Variants in DENND6A observed in about 807,000 individuals in gnomAD.
DENND6A encodes the protein DENN domain containing 6A, also known as protein DENND6A.
Under a neutral mutation model 95.5 loss-of-function variants are expected in DENND6A, and 43 were observed. The observed-to-expected ratio is 0.45, with a 90% CI of 0.35 to 0.58. DENND6A has a LOEUF of 0.58. Among genes scored for constraint, DENND6A ranks in the 20% least tolerant of loss-of-function variants. DENND6A has a pLI of 0.00. For missense variants in DENND6A, 574 were observed against 736.0 expected (o/e 0.78, Z 2.55); for synonymous variants, 257 against 260.4 (o/e 0.99, Z 0.13).
chr3:57,630,119 C>T (rs535586950), intron 18 of DENND6A, among the ~76,000 whole-genome samples: 12 of 152,292 alleles, frequency 7.9e-5, no homozygotes, highest in African/African-American at 2.9e-4. Context: ...GACTCCAGCA[C>T]ACTGTTGGCT....
chr3:57,643,994 CA>C (rs947989672), intron 11 of DENND6A, among the ~76,000 whole-genome samples: 1 of 147,172 alleles, frequency 6.8e-6, no homozygotes, highest in African/African-American at 2.5e-5. Context: ...ACTAAAAATA[CA>C]AAAAATTAGC....
chr3:57,650,355 T>C (rs919792799), intron 9 of DENND6A, among the ~76,000 whole-genome samples: 3 of 150,024 alleles, frequency 2.0e-5, no homozygotes, highest in African/African-American at 7.4e-5. Flanking sequence ...CTAACAGAGG[T>C]ATTGATTAAA....
intron 3 of DENND6A, among the ~76,000 whole-genome samples, chr3:57,668,525 T>A (rs1220990378): frequency 6.6e-6 from 1 of 152,188 alleles, no homozygotes; most frequent in Non-Finnish European, 1.5e-5. Flanking sequence ...TGGACAAATA[T>A]TTATCAGAGG....
At chr3:57,681,996 T>C (rs781733558) in intron 1 of DENND6A, among the ~76,000 whole-genome samples, 15 of 152,100 alleles carry the variant, frequency 9.9e-5, no homozygotes, top group Non-Finnish European at 5.9e-5. Context: ...AATACCTGAA[T>C]TTTTAAAAAT....
In DENND6A at chr3:57,642,731, G is replaced by A. The variant is rs13083894; in HGVS notation, c.1038-984C>T. Among the ~76,000 whole-genome samples, 361 of 152,128 alleles carry A rather than the reference G, an allele frequency of 2.4e-3. 1 individual carries two copies. Among genetic ancestry groups the A allele is most frequent in the Non-Finnish European group, 3.6e-3 (246 of 67,982 alleles). On this transcript the variant is annotated intron_variant, in intron 11 of 19. Coordinates refer to ENST00000311128, the MANE Select transcript of DENND6A (RefSeq NM_152678.3). ...TATTAGAAAGATCAATCGGCCAGGC[G>A]CGGTGGCTCACGCCTGTAATCCCAG...
intron 15 of DENND6A, chr3:57,631,313 C>G (rs1030563988): frequency 4.0e-5 from 8 of 199,378 alleles, no homozygotes; most frequent in South Asian, 2.0e-4. Context: ...TCTCCCGCCT[C>G]AGTCTCCCAA....
In DENND6A at chr3:57,650,080, C is replaced by G. The variant is rs531999968; in HGVS notation, c.819-3642G>C. ...ATATGTTCTCACTCATAAGTGGGAG[C>G]TAAGCTATGAGGATGCAAAGACATA... On this transcript the variant is annotated intron_variant, in intron 9 of 19. Coordinates refer to ENST00000311128, the MANE Select transcript of DENND6A (RefSeq NM_152678.3). 5.3e-5 allele frequency among the ~76,000 whole-genome samples: 8 copies of G among 152,006 alleles called. No homozygotes were observed. In the East Asian group the frequency reaches 1.4e-3, roughly 26 times the overall value.
intron 2 of DENND6A, 33 bp from the exon 3 acceptor site, chr3:57,672,331 CACAT>C (rs1048144530): frequency 1.9e-6 from 3 of 1,607,612 alleles, no homozygotes; most frequent in South Asian, 1.1e-5. Context: ...TGTATGCTGA[CACAT>C]ACATAATCAA....
chr3:57,660,479 C>T (rs1165923626), intron 7 of DENND6A, among the ~76,000 whole-genome samples: 3 of 152,124 alleles, frequency 2.0e-5, no homozygotes, highest in African/African-American at 2.4e-5. Context: ...TGAGCCACCA[C>T]GCCTGTCCAA....
intron 1 of DENND6A, among the ~76,000 whole-genome samples, chr3:57,689,680 G>A (rs1333987356): frequency 6.6e-6 from 1 of 152,144 alleles, no homozygotes; most frequent in Non-Finnish European, 1.5e-5. Context: ...CCCAAACCAG[G>A]CCAGATTATC....
At chr3:57,676,375 TAAAAAAAA>T (rs35465829) in intron 1 of DENND6A, among the ~76,000 whole-genome samples, 4 of 87,354 alleles carry the variant, frequency 4.6e-5, no homozygotes, top group African/African-American at 1.7e-4. Context: ...TAAGATTATT[TAAAAAAAA>T]AAAAAAAAAA....
intron 5 of DENND6A, among the ~76,000 whole-genome samples, chr3:57,661,767 T>A (rs912296625): frequency 6.6e-6 from 1 of 152,308 alleles, no homozygotes; most frequent in East Asian, 1.9e-4. Flanking sequence ...TGTAACAGAT[T>A]TTCCTGCTCT....
rs539795043 is a variant in DENND6A at position 57,682,982 on chromosome 3, A to G, written c.237+9800T>C. Among the ~76,000 whole-genome samples, 114 of 152,250 alleles carry G rather than the reference A, an allele frequency of 7.5e-4. 1 individual carries two copies. The highest frequency in any genetic ancestry group is 2.6e-3 in the African/African-American group (110 of 41,560). ...CATGAGCCAGCACACCTGGCCGACTATATGCTCTTACTTGTCTCTTCAGTT... is the reference window on the plus strand; with the variant it reads ...CATGAGCCAGCACACCTGGCCGACTGTATGCTCTTACTTGTCTCTTCAGTT... On this transcript the variant is annotated intron_variant, in intron 1 of 19. Coordinates refer to ENST00000311128, the MANE Select transcript of DENND6A (RefSeq NM_152678.3).
intron 19 of DENND6A, among the ~76,000 whole-genome samples, 154 bp from the exon 20 acceptor site, chr3:57,628,499 A>C (rs2070583987): frequency 6.6e-6 from 1 of 152,222 alleles, no homozygotes; most frequent in Admixed American, 6.5e-5. Flanking sequence ...GGAGCATTCT[A>C]TTTAAACAAT....
intron 3 of DENND6A, among the ~76,000 whole-genome samples, chr3:57,670,253 A>C (rs977153116): frequency 6.6e-6 from 1 of 152,220 alleles, no homozygotes; most frequent in Non-Finnish European, 1.5e-5. Context: ...ACAACAGATT[A>C]ACGAGAAAAG....
intron 3 of DENND6A, among the ~76,000 whole-genome samples, chr3:57,668,909 G>A (rs6445922): frequency 0.39 from 58,742 of 151,928 alleles, 12,695 homozygotes; most frequent in South Asian, 0.56. Context: ...GTCTCACTCC[G>A]TCGCCCAGCC....
chr3:57,671,242 C>CG (rs1553743632), intron 3 of DENND6A, among the ~76,000 whole-genome samples: 3 of 152,070 alleles, frequency 2.0e-5, no homozygotes, highest in Non-Finnish European at 4.4e-5. Flanking sequence ...TAGAAGTAAC[C>CG]GGCCGGGTGT....
At chr3:57,641,550 G>T in intron 12 of DENND6A, 103 bp downstream of exon 12, 1 of 971,874 alleles carries the variant, frequency 1.0e-6, no homozygotes, top group Non-Finnish European at 1.5e-6. Context: ...CAAAGGCCTT[G>T]AAGAAAGCTG....
intron 1 of DENND6A, chr3:57,679,639 C>T (rs1367846141): frequency 3.5e-6 from 3 of 858,210 alleles, no homozygotes; most frequent in Non-Finnish European, 4.2e-6. Context: ...CCAGTCTATG[C>T]CTCAGTTTCT....
Sources: allele counts gnomAD v4.1 joint callset (sites outside exome capture counted in the v4.1 genomes callset), GRCh38; gene constraint gnomAD v4.1.1; transcripts MANE v1.5; gene names NCBI Gene and HGNC (gene_info 2026-07-23, HGNC 2026-07-21).